DAB1: variants seen among roughly 807,000 people sequenced by gnomAD.
DAB1 encodes the protein DAB adaptor protein 1, also known as disabled homolog 1.
Under a neutral mutation model 64.6 loss-of-function variants are expected in DAB1, and 15 were observed. The observed-to-expected ratio is 0.23, with a 90% CI of 0.16 to 0.36. The LOEUF (loss-of-function observed/expected upper bound fraction) is 0.36. DAB1 is among the 10% of genes least tolerant of loss of function. The probability of loss-of-function intolerance (pLI) is 1.00; values close to 1 mark genes in which losing one functional copy is unlikely to be tolerated. For synonymous variants in DAB1, 235 were observed against 251.9 expected (o/e 0.93, Z 0.64); for missense variants, 596 against 706.7 (o/e 0.84, Z 1.78).
At chr1:57,399,090 A>G (rs1683038836) in intron 1 of DAB1, among the ~76,000 whole-genome samples, 1 of 151,310 alleles carries the variant, frequency 6.6e-6, no homozygotes, top group African/African-American at 2.5e-5. Flanking sequence ...GCCAGAGTTG[A>G]GGAACTTTTT....
At chr1:57,758,984 C>A (rs1342426874) in intron 6 of DAB1, among the ~76,000 whole-genome samples, 6 of 152,148 alleles carry the variant, frequency 3.9e-5, no homozygotes, top group Non-Finnish European at 8.8e-5. Context: ...AGAAGATCAC[C>A]TCAGCTCTTT....
At chr1:57,653,167 A>G (rs1380155545) in intron 6 of DAB1, among the ~76,000 whole-genome samples, 1 of 152,218 alleles carries the variant, frequency 6.6e-6, no homozygotes, top group East Asian at 1.9e-4. Flanking sequence ...CTTTTTTAAT[A>G]TAAAACATTG....
intron 4 of DAB1, among the ~76,000 whole-genome samples, chr1:58,187,692 G>T (rs1473938571): frequency 6.6e-6 from 1 of 151,072 alleles, no homozygotes; most frequent in Non-Finnish European, 1.5e-5. Context: ...CAATTCTCAT[G>T]CCTTAGCCTC....
intron 7 of DAB1, among the ~76,000 whole-genome samples, chr1:57,551,636 C>A: frequency 6.6e-6 from 1 of 152,244 alleles, no homozygotes; most frequent in East Asian, 1.9e-4. Context: ...CTGCTGCCTG[C>A]GTCAACATCA....
chr1:58,463,122 A>G (rs940957191), intron 3 of DAB1, among the ~76,000 whole-genome samples: 1 of 152,238 alleles, frequency 6.6e-6, no homozygotes, highest in Non-Finnish European at 1.5e-5. Context: ...AGTGTATTCC[A>G]GCCAAGAAAT....
intron 14 of DAB1, among the ~76,000 whole-genome samples, chr1:57,009,813 G>A (rs541897179): frequency 8.7e-4 from 133 of 152,222 alleles, no homozygotes; most frequent in Non-Finnish European, 1.1e-3. Flanking sequence ...TCTTTCTTTC[G>A]ATCAAATCAG....
intron 3 of DAB1, among the ~76,000 whole-genome samples, chr1:58,352,240 TA>T (rs1379566134): frequency 1.3e-5 from 2 of 152,160 alleles, no homozygotes; most frequent in Non-Finnish European, 2.9e-5. Flanking sequence ...CTGCCTCCTC[TA>T]AATTAACCTG....
chr1:58,527,269 C>CA (rs1646367042), exon 2 of DAB1: 1 of 872,156 alleles, frequency 1.1e-6, no homozygotes, highest in African/African-American at 1.6e-5. Context: ...ACCTTTGCAG[C>CA]AAGCAGTAGT....
chr1:57,274,451 A>G (rs974371957), intron 2 of DAB1, among the ~76,000 whole-genome samples: 3 of 152,214 alleles, frequency 2.0e-5, no homozygotes, highest in Non-Finnish European at 1.5e-5. Flanking sequence ...GACAAAAAAC[A>G]CATAGAAGAG....
intron 5 of DAB1, among the ~76,000 whole-genome samples, chr1:58,111,443 G>A (rs940595094): frequency 1.3e-5 from 2 of 152,192 alleles, no homozygotes; most frequent in Admixed American, 1.3e-4. Context: ...CTAGAGCCTT[G>A]AATATGCTAT....
intron 7 of DAB1, among the ~76,000 whole-genome samples, chr1:57,505,410 G>A (rs1245784014): frequency 6.6e-6 from 1 of 152,164 alleles, no homozygotes. Flanking sequence ...ATACAAATCT[G>A]TGAGTACTTG....
At chr1:57,605,393 C>T (rs890598751) in intron 7 of DAB1, among the ~76,000 whole-genome samples, 1 of 152,182 alleles carries the variant, frequency 6.6e-6, no homozygotes, top group Non-Finnish European at 1.5e-5. Flanking sequence ...CTCTGTTTCA[C>T]ATGGCTATTT....
At chr1:57,990,829 C>T (rs1646326265) in intron 5 of DAB1, among the ~76,000 whole-genome samples, 1 of 152,138 alleles carries the variant, frequency 6.6e-6, no homozygotes, top group Non-Finnish European at 1.5e-5. Context: ...CCAGAGAGAT[C>T]AATGAGAAGG....
chr1:58,062,930 A>G (rs760268288), intron 5 of DAB1, among the ~76,000 whole-genome samples: 59 of 152,252 alleles, frequency 3.9e-4, no homozygotes, highest in Non-Finnish European at 4.7e-4. Context: ...AGAAGGCCAG[A>G]GCCAAACTCA....
At chr1:58,323,265 AT>A in intron 4 of DAB1, among the ~76,000 whole-genome samples, 1 of 148,782 alleles carries the variant, frequency 6.7e-6, no homozygotes, top group Non-Finnish European at 1.5e-5. Flanking sequence ...AATAATAATA[AT>A]AAAATATTCA....
intron 1 of DAB1, among the ~76,000 whole-genome samples, chr1:57,421,624 T>C (rs1684892303): frequency 6.6e-6 from 1 of 152,082 alleles, no homozygotes; most frequent in Non-Finnish European, 1.5e-5. Flanking sequence ...ACCACTGCAT[T>C]TTGAACTTCC....
intron 7 of DAB1, among the ~76,000 whole-genome samples, chr1:57,528,685 CAACAT>C (rs1644624692): frequency 6.7e-6 from 1 of 149,688 alleles, no homozygotes; most frequent in Non-Finnish European, 1.5e-5. Flanking sequence ...CACGGACACA[CAACAT>C]AAGTGGGAAA....
intron 3 of DAB1, among the ~76,000 whole-genome samples, chr1:58,427,841 C>T (rs1644835821): frequency 6.6e-6 from 1 of 152,116 alleles, no homozygotes; most frequent in African/African-American, 2.4e-5. Flanking sequence ...ATGTAAGGGT[C>T]ATCAACTCAG....
chr1:57,626,839 C>T (rs1417361104), intron 7 of DAB1, among the ~76,000 whole-genome samples: 4 of 152,054 alleles, frequency 2.6e-5, no homozygotes, highest in African/African-American at 9.7e-5. Context: ...GACCTAATCA[C>T]CCCACAAAGG....
Sources: allele counts gnomAD v4.1 joint callset (sites outside exome capture counted in the v4.1 genomes callset), GRCh38; gene constraint gnomAD v4.1.1; transcripts MANE v1.5; gene names NCBI Gene and HGNC (gene_info 2026-07-23, HGNC 2026-07-21).